The following CRLF3 variants were observed in gnomAD, a reference collection of about 807,000 sequenced individuals.
CRLF3 encodes cytokine receptor like factor 3.
Under a neutral mutation model 55.0 loss-of-function variants are expected in CRLF3, and 33 were observed. That is an observed-to-expected ratio of 0.60 (90% CI 0.46 to 0.80). The LOEUF (loss-of-function observed/expected upper bound fraction) is 0.80, where lower values mean the gene tolerates loss of function less well. Ranked by LOEUF, CRLF3 falls within the 30% of genes least tolerant of loss-of-function variation. CRLF3 has a pLI of 0.00. For synonymous variants in CRLF3, 238 were observed against 196.8 expected, an observed-to-expected ratio of 1.21 and a Z score of -1.75; for missense variants, 494 against 538.4, an observed-to-expected ratio of 0.92 and a Z score of 0.82.
rs1159336036 is a variant in CRLF3, at chr17:30,788,599, C to CTTTTTTTTTTTT, written c.960-2580_960-2569dup. ...GGGATAAATAACAAAGTAGTGCCTT[C>CTTTTTTTTTTTT]TTTTTTTTTTTTTTTTTTTTTTTTT... On this transcript the variant is annotated intron_variant, in intron 6 of 7. Coordinates refer to ENST00000324238, the MANE Select transcript of CRLF3 (RefSeq NM_015986.4). Among the ~76,000 whole-genome samples the CTTTTTTTTTTTT allele has an allele frequency of 2.2e-4, 18 of 80,038 alleles. 1 individual carries two copies. Among genetic ancestry groups the CTTTTTTTTTTTT allele is most frequent in the African/African-American group, 1.0e-3 (18 of 17,232 alleles). 52.5% of individuals were successfully genotyped at this position (80,038 alleles called of 152,430 possible). A position where few individuals can be genotyped will look rare whatever the true frequency, so the allele number is the denominator to read the frequency against.
At chr17:30,799,248 A>G (rs566678746) in intron 2 of CRLF3, among the ~76,000 whole-genome samples, 1 of 152,330 alleles carries the variant, frequency 6.6e-6, no homozygotes, top group East Asian at 1.9e-4. Flanking sequence ...ACTCCAGCCC[A>G]GGCAACAGTG....
intron 1 of CRLF3, among the ~76,000 whole-genome samples, chr17:30,814,232 G>A (rs1254148653): frequency 3.9e-5 from 6 of 152,120 alleles, no homozygotes; most frequent in African/African-American, 9.7e-5. Flanking sequence ...ACTCCAGCCT[G>A]GGTGACAGAG....
chr17:30,802,702 C>T (rs1003753811), intron 2 of CRLF3, among the ~76,000 whole-genome samples: 1 of 151,764 alleles, frequency 6.6e-6, no homozygotes, highest in East Asian at 2.0e-4. Context: ...GGATTACAGG[C>T]GTGAGCCACC....
chr17:30,785,991 C>G lies in CRLF3; in HGVS notation c.1000G>C (p.Gly334Arg). Reference sequence around the variant, plus strand: ...CCATCCTGTTTTTCTGCACACACTCCTATGCTATCTCTTCTGTCTGGCTGT... The same window carrying G: ...CCATCCTGTTTTTCTGCACACACTCGTATGCTATCTCTTCTGTCTGGCTGT... ...VGQPDRRDSI[G>R]VCAEKQDGYD... is the part of the protein sequence containing the mutation. The change falls in exon 7 of 8, where the codon GGA (glycine) becomes CGA (arginine). Residue 334 changes from glycine to arginine, a missense_variant. By Grantham distance (125) the Gly-to-Arg change is moderately radical (BLOSUM62 -2). Coordinates refer to ENST00000324238, the MANE Select transcript of CRLF3 (RefSeq NM_015986.4). 1 of 1,613,088 alleles carries G rather than the reference C, an allele frequency of 6.2e-7. No individual in the cohort carries two copies. Among genetic ancestry groups the G allele is most frequent in the Non-Finnish European group, 8.5e-7 (1 of 1,179,190 alleles).
chr17:30,812,638 C>T (rs1435789334), intron 1 of CRLF3, among the ~76,000 whole-genome samples: 1 of 152,254 alleles, frequency 6.6e-6, no homozygotes, highest in South Asian at 2.1e-4. Context: ...CAGGAATTCA[C>T]ATTTCCAACT....
rs375115688 is a variant in CRLF3, at chr17:30,784,396, C to T, written c.1120G>A (p.Val374Ile). ...GKEMTNQLPAVTSGSTVTFDI... is the reference protein window; with the variant it reads ...GKEMTNQLPAITSGSTVTFDI... Reference sequence around the variant, plus strand: ...AACGTGACAGTGGACCCAGAAGTAACTGCGGGTAACTGATTTGTCATTTCT... The same window carrying T: ...AACGTGACAGTGGACCCAGAAGTAATTGCGGGTAACTGATTTGTCATTTCT... The change falls in exon 8 of 8, where the codon GTT becomes ATT. Residue 374 changes from valine (V) to isoleucine (I), a missense_variant. By Grantham distance (29) the Val-to-Ile change is conservative. Transcript: ENST00000324238. 2.5e-6 allele frequency: 4 copies of T among 1,613,472 alleles called. No homozygotes were observed. Among genetic ancestry groups the T allele is most frequent in the East Asian group, 2.2e-5 (1 of 44,894 alleles).
At chr17:30,788,361 G>A (rs7217594) in intron 6 of CRLF3, among the ~76,000 whole-genome samples, 98,254 of 147,334 alleles carry the variant, frequency 0.67, 33,871 homozygotes, top group African/African-American at 0.83. Context: ...AAAGAAAGAA[G>A]GAAACCTTAA....
chr17:30,806,486 T>A (rs771152120), intron 1 of CRLF3, among the ~76,000 whole-genome samples: 31 of 152,062 alleles, frequency 2.0e-4, no homozygotes, highest in African/African-American at 7.0e-4. Flanking sequence ...TGGATGGAGT[T>A]CTCATTTTTT....
chr17:30,805,900 G>A (rs533821945), intron 1 of CRLF3, among the ~76,000 whole-genome samples: 2 of 152,152 alleles, frequency 1.3e-5, no homozygotes, highest in East Asian at 3.9e-4. Flanking sequence ...GCACATGCCT[G>A]TAGTCCCAGC....
chr17:30,788,794 G>T (rs1971714782), intron 6 of CRLF3, among the ~76,000 whole-genome samples: 1 of 151,502 alleles, frequency 6.6e-6, no homozygotes. Flanking sequence ...TTATAGTAGA[G>T]ATGGGGTTTC....
intron 5 of CRLF3, 138 bp downstream of exon 5, chr17:30,793,312 A>C (rs1247095042): frequency 1.5e-6 from 1 of 646,478 alleles, no homozygotes; most frequent in African/African-American, 1.8e-5. Context: ...ATCTGAGTAA[A>C]AGACATGGTG....
chr17:30,793,446 A>G lies in CRLF3; in HGVS notation c.826+4T>C. On this transcript the variant is annotated splice_donor_region_variant and intron_variant, in intron 5 of 7. Transcript: ENST00000324238. ...CTTCAGGAGAGAAAAGGTTAGCAGC[A>G]TACCATGAGGCACCAATGTGGAATG... 1 of 1,611,498 alleles carries G rather than the reference A, an allele frequency of 6.2e-7. No homozygotes were observed. The highest frequency in any genetic ancestry group is 2.2e-5 in the East Asian group (1 of 44,864).
chr17:30,804,606 T>C (rs1374680641), intron 1 of CRLF3, among the ~76,000 whole-genome samples: 1 of 152,228 alleles, frequency 6.6e-6, no homozygotes, highest in African/African-American at 2.4e-5. Context: ...CTGGCTTATT[T>C]CACTTAGCAT....
intron 2 of CRLF3, among the ~76,000 whole-genome samples, chr17:30,800,089 C>T (rs1971983101): frequency 6.6e-6 from 1 of 152,182 alleles, no homozygotes; most frequent in South Asian, 2.1e-4. Context: ...GGTGGAGTGA[C>T]AGCCATGTGA....
At chr17:30,790,061 G>T (rs1449618548) in intron 6 of CRLF3, among the ~76,000 whole-genome samples, 1 of 151,968 alleles carries the variant, frequency 6.6e-6, no homozygotes, top group African/African-American at 2.4e-5. Flanking sequence ...TCATTAAGGG[G>T]TGAGGTGTCA....
intron 2 of CRLF3, among the ~76,000 whole-genome samples, chr17:30,799,011 C>T (rs1056452800): frequency 1.3e-5 from 2 of 152,004 alleles, no homozygotes; most frequent in African/African-American, 4.8e-5. Flanking sequence ...CAGTGGCTCA[C>T]GCCTGTAATC....
At position 30,784,371 on chromosome 17, in the gene CRLF3, A is replaced by G. The variant is rs1354683866; in HGVS notation, c.1145T>C (p.Phe382Ser). The part of the protein sequence containing the change: ...PAVTSGSTVT[F>S]DIEAVTLGTT... ...TCCTAGAGTCACGGCTTCAATGTCA[A>G]ACGTGACAGTGGACCCAGAAGTAAC... is the stretch of plus-strand genomic sequence containing the variant. Residue 382 changes from phenylalanine (F) to serine (S), a missense_variant, in exon 8 of 8, where the codon TTT becomes TCT. By Grantham distance (155) the Phe-to-Ser change is radical (BLOSUM62 -2). Transcript: ENST00000324238. 4.3e-6 allele frequency: 7 copies of G among 1,613,658 alleles called. No homozygotes were observed. The highest frequency in any genetic ancestry group is 1.7e-5 in the Admixed American group (1 of 60,012).
chr17:30,795,091 A>G (rs1224268383), intron 4 of CRLF3, among the ~76,000 whole-genome samples: 1 of 152,208 alleles, frequency 6.6e-6, no homozygotes, highest in Non-Finnish European at 1.5e-5. Flanking sequence ...GGAAATAACT[A>G]GGTCCACTGA....
intron 4 of CRLF3, among the ~76,000 whole-genome samples, chr17:30,795,809 GC>G (rs1171250061): frequency 6.6e-6 from 1 of 151,986 alleles, no homozygotes; most frequent in Non-Finnish European, 1.5e-5. Context: ...GATGGCAGGT[GC>G]CTATAATCCC....
Sources: allele counts gnomAD v4.1 joint callset (sites outside exome capture counted in the v4.1 genomes callset), GRCh38; gene constraint gnomAD v4.1.1; transcripts MANE v1.5; gene names NCBI Gene and HGNC (gene_info 2026-07-23, HGNC 2026-07-21).